The following AUTS2 variants were observed in gnomAD, a reference collection of about 807,000 sequenced individuals.
AUTS2 encodes autism susceptibility gene 2 protein.
A neutral mutation model predicts 112.4 loss-of-function variants in AUTS2; 17 were observed. The observed-to-expected ratio is 0.15, with a 90% CI of 0.10 to 0.23. The LOEUF is 0.23. AUTS2 is among the 10% of genes least tolerant of loss of function. AUTS2 has a pLI of 1.00. For synonymous variants in AUTS2, 751 were observed against 702.7 expected, an observed-to-expected ratio of 1.07 and a Z score of -1.09; for missense variants, 1,510 against 1,701.6, an observed-to-expected ratio of 0.89 and a Z score of 1.98.
intron 6 of AUTS2, among the ~76,000 whole-genome samples, chr7:70,700,070 AC>A (rs1481607936): frequency 6.6e-6 from 1 of 152,040 alleles, no homozygotes; most frequent in African/African-American, 2.4e-5. Context: ...CAAGACCTGC[AC>A]TCTGGCCGCC....
chr7:69,989,314 A>G (rs544493852), intron 2 of AUTS2, among the ~76,000 whole-genome samples: 1 of 152,316 alleles, frequency 6.6e-6, no homozygotes, highest in East Asian at 1.9e-4. Context: ...GCTGTTAAGA[A>G]AATGCTGGCA....
chr7:69,689,343 ATTTTTTTTTTT>A (rs530444257), intron 1 of AUTS2, among the ~76,000 whole-genome samples: 1 of 102,500 alleles, frequency 9.8e-6, no homozygotes, highest in Non-Finnish European at 1.9e-5. Context: ...TAATTAATTA[ATTTTTTTTTTT>A]TTTTTTTTTT....
intron 1 of AUTS2, among the ~76,000 whole-genome samples, chr7:69,827,073 A>AG (rs1443213062): frequency 4.6e-5 from 7 of 152,150 alleles, no homozygotes; most frequent in African/African-American, 1.4e-4. Context: ...AGACAGGTCC[A>AG]GGGTGGGAAA....
At chr7:70,143,343 C>T (rs889487729) in intron 4 of AUTS2, among the ~76,000 whole-genome samples, 4 of 152,178 alleles carry the variant, frequency 2.6e-5, no homozygotes, top group African/African-American at 9.6e-5. Context: ...AATGTTTATC[C>T]ATTTAAAATA....
chr7:70,493,042 C>T (rs1185495819), intron 5 of AUTS2, among the ~76,000 whole-genome samples: 1 of 152,084 alleles, frequency 6.6e-6, no homozygotes, highest in Non-Finnish European at 1.5e-5. Flanking sequence ...GGGAACTTGC[C>T]ACTGATAATT....
chr7:69,849,526 C>T (rs1437340960), intron 1 of AUTS2, among the ~76,000 whole-genome samples: 2 of 152,062 alleles, frequency 1.3e-5, no homozygotes, highest in South Asian at 2.1e-4. Flanking sequence ...CTTCCCTATC[C>T]TCCCCTCCAC....
chr7:69,752,983 C>T (rs1787803251), intron 1 of AUTS2, among the ~76,000 whole-genome samples: 1 of 152,138 alleles, frequency 6.6e-6, no homozygotes, highest in Admixed American at 6.6e-5. Context: ...TGTTTCCTGA[C>T]CAACGACTGT....
At chr7:70,227,479 G>A (rs1436579803) in intron 4 of AUTS2, among the ~76,000 whole-genome samples, 3 of 152,074 alleles carry the variant, frequency 2.0e-5, no homozygotes, top group Non-Finnish European at 4.4e-5. Flanking sequence ...CAGAACATTT[G>A]CATCATTCCA....
chr7:70,312,006 G>A (rs932785382), intron 4 of AUTS2, among the ~76,000 whole-genome samples: 1 of 152,056 alleles, frequency 6.6e-6, no homozygotes, highest in African/African-American at 2.4e-5. Context: ...GAGCCACCGC[G>A]CCCGGCCACA....
chr7:70,712,896 T>C (rs1323017693), intron 6 of AUTS2, among the ~76,000 whole-genome samples: 1 of 152,232 alleles, frequency 6.6e-6, no homozygotes, highest in Non-Finnish European at 1.5e-5. Context: ...GCAGTTCTCC[T>C]GCTTCAGCCT....
chr7:70,184,625 C>T (rs1057433786), intron 4 of AUTS2, among the ~76,000 whole-genome samples: 1 of 152,176 alleles, frequency 6.6e-6, no homozygotes, highest in Non-Finnish European at 1.5e-5. Flanking sequence ...TTTTAGACTA[C>T]ACAGGGTTTT....
intron 2 of AUTS2, among the ~76,000 whole-genome samples, chr7:69,965,583 G>A (rs924817912): frequency 6.6e-6 from 1 of 152,148 alleles, no homozygotes; most frequent in Admixed American, 6.6e-5. Flanking sequence ...ACAGCTCAGT[G>A]CCAATCTAAA....
intron 5 of AUTS2, among the ~76,000 whole-genome samples, chr7:70,533,306 G>C (rs1236997215): frequency 6.6e-6 from 1 of 152,066 alleles, no homozygotes; most frequent in Non-Finnish European, 1.5e-5. Flanking sequence ...TGTAGAAACG[G>C]TCTCGCTTTG....
chr7:69,868,800 C>A (rs1584364519), intron 1 of AUTS2, among the ~76,000 whole-genome samples: 1 of 152,086 alleles, frequency 6.6e-6, no homozygotes, highest in Non-Finnish European at 1.5e-5. Flanking sequence ...GCCTTTTGGG[C>A]CATTGCTCTT....
At chr7:70,254,022 T>C (rs780239573) in intron 4 of AUTS2, among the ~76,000 whole-genome samples, 42 of 152,240 alleles carry the variant, frequency 2.8e-4, no homozygotes, top group Admixed American at 4.6e-4. Context: ...AAAAACTAAA[T>C]TTTTTTTCTT....
intron 1 of AUTS2, among the ~76,000 whole-genome samples, chr7:69,694,252 A>G (rs1239813014): frequency 6.6e-6 from 1 of 152,164 alleles, no homozygotes; most frequent in African/African-American, 2.4e-5. Flanking sequence ...ACTCCTGGAA[A>G]TTCTGACTCA....
At chr7:70,152,498 C>A (rs1380566228) in intron 4 of AUTS2, among the ~76,000 whole-genome samples, 1 of 151,028 alleles carries the variant, frequency 6.6e-6, no homozygotes, top group Non-Finnish European at 1.5e-5. Context: ...GAAAAAATTG[C>A]CAACCTAGAA....
At chr7:70,123,952 G>A (rs545033096) in intron 3 of AUTS2, among the ~76,000 whole-genome samples, 15 of 152,120 alleles carry the variant, frequency 9.9e-5, no homozygotes, top group Admixed American at 8.5e-4. Context: ...TTGAACTAAT[G>A]TACACTCCCA....
chr7:69,903,257 G>A (rs889215261), intron 2 of AUTS2, among the ~76,000 whole-genome samples: 5 of 152,232 alleles, frequency 3.3e-5, no homozygotes, highest in Middle Eastern at 3.4e-3. Flanking sequence ...GTCAGGTGTC[G>A]CTAAACCGAT....
Sources: allele counts gnomAD v4.1 joint callset (sites outside exome capture counted in the v4.1 genomes callset), GRCh38; gene constraint gnomAD v4.1.1; transcripts MANE v1.5; gene names NCBI Gene and HGNC (gene_info 2026-07-23, HGNC 2026-07-21).